TENM2: variants seen among roughly 807,000 people sequenced by gnomAD.
TENM2 encodes the protein teneurin transmembrane protein 2.
In TENM2, 52 loss-of-function variants were observed where a neutral mutation model predicts 245.2. That is an observed-to-expected ratio of 0.21 (90% CI 0.17 to 0.27). The LOEUF (loss-of-function observed/expected upper bound fraction) is 0.27, where lower values mean the gene tolerates loss of function less well. Ranked by LOEUF, TENM2 falls within the 10% of genes least tolerant of loss-of-function variation. The pLI, the probability that TENM2 is intolerant of heterozygous loss-of-function variation, is 1.00. For missense variants in TENM2, 3,046 were observed against 3,666.8 expected, an observed-to-expected ratio of 0.83 and a Z score of 4.37; for synonymous variants, 1,363 against 1,438.9, an observed-to-expected ratio of 0.95 and a Z score of 1.19.
chr5:167,611,833 A>G (rs1777495822), intron 2 of TENM2, among the ~76,000 whole-genome samples: 1 of 152,066 alleles, frequency 6.6e-6, no homozygotes, highest in South Asian at 2.1e-4. Context: ...CACTAATTCC[A>G]TTCATGAGGG....
the TENM2 span, among the ~76,000 whole-genome samples, chr5:167,151,583 G>A: frequency 6.6e-6 from 1 of 152,038 alleles, no homozygotes; most frequent in Non-Finnish European, 1.5e-5. Context: ...CAGTGGTGCA[G>A]TCTCGGCTCA....
At chr5:167,584,179 A>G (rs1394293226) in intron 2 of TENM2, among the ~76,000 whole-genome samples, 3 of 152,262 alleles carry the variant, frequency 2.0e-5, no homozygotes, top group Admixed American at 6.5e-5. Flanking sequence ...CAAACAAAGC[A>G]GTGAAAGAAT....
chr5:167,223,892 G>A, the TENM2 span, among the ~76,000 whole-genome samples: 1 of 152,078 alleles, frequency 6.6e-6, no homozygotes, highest in Non-Finnish European at 1.5e-5. Flanking sequence ...TTTGACTAGT[G>A]TAAGATAATA....
intron 7 of TENM2, among the ~76,000 whole-genome samples, chr5:168,086,580 T>G (rs1381076191): frequency 6.6e-6 from 1 of 152,120 alleles, no homozygotes; most frequent in Non-Finnish European, 1.5e-5. Flanking sequence ...GGAGGCAAAC[T>G]TCCTCCCGCA....
At chr5:167,608,076 T>G (rs895588459) in intron 2 of TENM2, among the ~76,000 whole-genome samples, 1 of 152,170 alleles carries the variant, frequency 6.6e-6, no homozygotes, top group Non-Finnish European at 1.5e-5. Flanking sequence ...AAATATTTGG[T>G]GCCCAGAAGG....
intron 2 of TENM2, among the ~76,000 whole-genome samples, chr5:167,734,138 G>A (rs1439412762): frequency 1.3e-5 from 2 of 152,154 alleles, no homozygotes; most frequent in Non-Finnish European, 2.9e-5. Flanking sequence ...ACAAATTACT[G>A]TACCAAATGA....
chr5:167,130,096 A>G, the TENM2 span, among the ~76,000 whole-genome samples: 1 of 152,180 alleles, frequency 6.6e-6, no homozygotes, highest in Non-Finnish European at 1.5e-5. Flanking sequence ...GTATATTGCT[A>G]TAGGCATTTA....
At chr5:167,315,079 A>T (rs1485671114) in intron 1 of TENM2, among the ~76,000 whole-genome samples, 1 of 152,118 alleles carries the variant, frequency 6.6e-6, no homozygotes, top group East Asian at 1.9e-4. Context: ...TATAATAAAT[A>T]ACATTCAAGA....
At chr5:167,490,069 T>C (rs539210291) in intron 2 of TENM2, among the ~76,000 whole-genome samples, 95 of 152,306 alleles carry the variant, frequency 6.2e-4, no homozygotes, top group Middle Eastern at 6.8e-3. Flanking sequence ...AAGAGGTAAA[T>C]TTGAACCAAA....
At chr5:168,229,780 T>C (rs1189093160) in intron 25 of TENM2, 1 of 152,134 alleles carries the variant, frequency 6.6e-6, no homozygotes, top group Admixed American at 6.6e-5. Context: ...TTAAGTCAAG[T>C]CTCCACATTA....
the TENM2 span, among the ~76,000 whole-genome samples, chr5:167,105,109 A>T: frequency 7.2e-5 from 11 of 152,202 alleles, no homozygotes; most frequent in African/African-American, 1.7e-4. Flanking sequence ...AGGTATATAG[A>T]TAAAATGCAT....
chr5:168,190,441 G>A (rs756352585), exon 14 of TENM2: 2 of 1,613,994 alleles, frequency 1.2e-6, no homozygotes, highest in Non-Finnish European at 1.7e-6. Context: ...CATTCAGCAG[G>A]GCCAGACGGA....
chr5:167,254,911 A>G, the TENM2 span, among the ~76,000 whole-genome samples: 1 of 151,774 alleles, frequency 6.6e-6, no homozygotes, highest in East Asian at 1.9e-4. Flanking sequence ...GGACAAGAAG[A>G]CCCTTGTGTG....
chr5:168,184,709 A>G (rs181301381), intron 13 of TENM2, among the ~76,000 whole-genome samples: 57 of 152,332 alleles, frequency 3.7e-4, no homozygotes, highest in Admixed American at 7.8e-4. Context: ...CAAAGGATCC[A>G]GATGCTTATT....
At chr5:167,301,152 C>G (rs906847421) in intron 1 of TENM2, among the ~76,000 whole-genome samples, 1 of 152,198 alleles carries the variant, frequency 6.6e-6, no homozygotes, top group Non-Finnish European at 1.5e-5. Context: ...CAGCGTCAGT[C>G]TTCAGCCGCT....
At chr5:167,344,095 T>C (rs1210815861) in intron 1 of TENM2, among the ~76,000 whole-genome samples, 1 of 150,482 alleles carries the variant, frequency 6.6e-6, no homozygotes, top group African/African-American at 2.4e-5. Flanking sequence ...AGATTAGAAG[T>C]TTAACTGTTC....
intron 23 of TENM2, 47 bp downstream of exon 25, chr5:168,219,046 A>G: frequency 1.3e-6 from 2 of 1,567,820 alleles, no homozygotes; most frequent in South Asian, 1.2e-5. Context: ...CCCTTGCCCT[A>G]GCTGGCATTA....
At chr5:167,182,567 A>G in the TENM2 span, among the ~76,000 whole-genome samples, 2 of 152,176 alleles carry the variant, frequency 1.3e-5, no homozygotes, top group Admixed American at 6.5e-5. Context: ...TTTTTACAAC[A>G]TTAGAAAATG....
intron 2 of TENM2, among the ~76,000 whole-genome samples, chr5:167,639,438 G>T (rs990918064): frequency 6.6e-6 from 1 of 152,180 alleles, no homozygotes; most frequent in Non-Finnish European, 1.5e-5. Context: ...TCTTATCATG[G>T]CTTTCAAATA....
Sources: gnomAD v4.1 joint callset for allele counts (sites outside exome capture counted in the v4.1 genomes callset) on GRCh38, gnomAD v4.1.1 for gene constraint, MANE v1.5 for transcripts, NCBI Gene and HGNC (gene_info 2026-07-23, HGNC 2026-07-21) for gene names.